Variants in CACNA1A observed in about 807,000 individuals in gnomAD.
CACNA1A encodes the protein calcium voltage-gated channel subunit alpha1 A.
CACNA1A carries 57 observed loss-of-function variants against 262.4 expected under a neutral mutation model. The observed-to-expected ratio is 0.22, with a 90% CI of 0.18 to 0.27. CACNA1A has a LOEUF of 0.27. Ranked by LOEUF, CACNA1A falls within the 10% of genes least tolerant of loss-of-function variation. The pLI is 1.00. For missense variants in CACNA1A, 2,526 were observed against 3,562.8 expected (o/e 0.71, Z 7.41); for synonymous variants, 1,431 against 1,419.3 (o/e 1.01, Z -0.18).
intron 5 of CACNA1A, chr19:13,365,038 CCTTCTTTCTCTG>C: frequency 3.9e-6 from 1 of 257,192 alleles, no homozygotes; most frequent in Non-Finnish European, 7.5e-6. Flanking sequence ...TTAAAAGATC[CCTTCTTTCTCTG>C]CTCACTTCCT....
intron 22 of CACNA1A, 41 bp downstream of exon 22, chr19:13,283,226 G>A (rs2057330129): frequency 3.1e-6 from 5 of 1,602,672 alleles, no homozygotes; most frequent in Non-Finnish European, 4.3e-6. Context: ...GCCTGAGGCA[G>A]AGCAGCCAGG....
chr19:13,362,679 T>G (rs1355068026), intron 5 of CACNA1A: 9 of 152,212 alleles, frequency 5.9e-5, no homozygotes, highest in African/African-American at 1.7e-4. Flanking sequence ...ATTTTCATAT[T>G]TAGGGGGGCG....
intron 11 of CACNA1A, among the ~76,000 whole-genome samples, chr19:13,314,427 C>T (rs868400238): frequency 1.8e-4 from 28 of 152,062 alleles, no homozygotes; most frequent in African/African-American, 2.9e-4. Flanking sequence ...TAAGTCATTA[C>T]GGTAGAGCTC....
chr19:13,263,667 C>T (rs778944723), intron 24 of CACNA1A, among the ~76,000 whole-genome samples: 3 of 152,004 alleles, frequency 2.0e-5, no homozygotes, highest in East Asian at 3.9e-4. Context: ...ACTACAGGTG[C>T]GTGCCACCAT....
intron 3 of CACNA1A, among the ~76,000 whole-genome samples, chr19:13,436,253 T>C (rs1390481993): frequency 1.3e-5 from 2 of 152,184 alleles, no homozygotes; most frequent in African/African-American, 4.8e-5. Flanking sequence ...CCTTGGCTGG[T>C]ACAGCTGCTG....
In CACNA1A at chr19:13,207,589, G is replaced by T; in HGVS notation, c.7245C>A (p.Tyr2415Ter). The change falls in exon 47 of 47, where the codon TAC becomes TAA. Residue 2415 changes from tyrosine (Y) to a stop codon, truncating the protein, a stop_gained. Coordinates refer to ENST00000360228, the MANE Select transcript of CACNA1A (RefSeq NM_001127222.2). LOFTEE classifies it high-confidence loss of function. The surrounding 1 kb of genome is among the most constrained non-coding windows in gnomAD (Gnocchi z 5.7). ...CGCTGCCCGGGCCATCGGCCTCGTC[G>T]TAGTCGGAGCCCCGGTAGTAGCCAT... ...RHHGYYRGSD[Y>*]DEADGPGSGG... 6.8e-7 allele frequency: 1 copy of T among 1,481,382 alleles called. No individual in the cohort carries two copies. 91.8% of individuals were successfully genotyped at this position (1,481,382 alleles called of 1,614,324 possible).
chr19:13,346,631 TATATATATATATATATATATATATATATA>T (rs2058770921), intron 6 of CACNA1A, among the ~76,000 whole-genome samples: 1 of 3,560 alleles, frequency 2.8e-4, no homozygotes. Context: ...TATATATATA[TATATATATATATATATATATATATATATA>T]TATATATTTT....
At chr19:13,235,343 C>G in intron 32 of CACNA1A, 69 bp from the exon 33 acceptor site, 1 of 1,421,636 alleles carries the variant, frequency 7.0e-7, no homozygotes, top group Non-Finnish European at 9.7e-7. Context: ...CCTCCCTTGT[C>G]CCAGTGCTCT....
At chr19:13,277,009 G>T in intron 23 of CACNA1A, 60 bp downstream of exon 23, 1 of 1,110,360 alleles carries the variant, frequency 9.0e-7, no homozygotes, top group Non-Finnish European at 1.4e-6. Context: ...ACTGTGCCCA[G>T]CCCTGCACTT....
intron 1 of CACNA1A, among the ~76,000 whole-genome samples, chr19:13,485,280 C>T: frequency 6.6e-6 from 1 of 152,124 alleles, no homozygotes; most frequent in East Asian, 1.9e-4. Flanking sequence ...AACTGTAAAA[C>T]TTTCAGAAAT....
At chr19:13,482,623 T>G (rs1165367870) in intron 1 of CACNA1A, among the ~76,000 whole-genome samples, 4 of 152,218 alleles carry the variant, frequency 2.6e-5, no homozygotes, top group Non-Finnish European at 5.9e-5. Flanking sequence ...CAGTTCCCCC[T>G]GCAGTCAGAT....
chr19:13,368,092 A>G (rs2059249671), intron 4 of CACNA1A, among the ~76,000 whole-genome samples: 1 of 152,082 alleles, frequency 6.6e-6, no homozygotes, highest in Non-Finnish European at 1.5e-5. Context: ...AGGCGGGTGG[A>G]TCACTTGAAC....
At chr19:13,336,633 GAGAGAGAA>G (rs1443268523) in intron 6 of CACNA1A, among the ~76,000 whole-genome samples, 5 of 147,532 alleles carry the variant, frequency 3.4e-5, no homozygotes, top group African/African-American at 1.3e-4. Flanking sequence ...GAGAGAGAGA[GAGAGAGAA>G]AAGAATGATA....
In CACNA1A at chr19:13,230,995, T is replaced by TG. The variant is rs1257254859; in HGVS notation, c.5400+714_5400+715insC. Among the ~76,000 whole-genome samples, 30 of 131,308 alleles carry TG rather than the reference T, an allele frequency of 2.3e-4. 1 individual carries two copies. The highest frequency in any genetic ancestry group is 9.0e-4 in the African/African-American group (30 of 33,472). The allele number at this position is 131,308 out of a possible 152,430, so 86.1% of individuals were successfully genotyped here. On this transcript the variant is annotated intron_variant, in intron 35 of 46. Transcript: ENST00000360228. ...ATTTCTTCCCTCGCAATGTTTTTTTTTTTTTTGTTTGTTTTTGTTTGTTTT... is the reference window on the plus strand; with the variant it reads ...ATTTCTTCCCTCGCAATGTTTTTTTTGTTTTTTGTTTGTTTTTGTTTGTTTT...
intron 10 of CACNA1A, among the ~76,000 whole-genome samples, chr19:13,323,487 G>A (rs1030181934): frequency 1.4e-4 from 21 of 151,816 alleles, no homozygotes; most frequent in Non-Finnish European, 2.4e-4. Flanking sequence ...ACAGGGTCTC[G>A]GTCTCCTTCT....
At chr19:13,490,638 G>A (rs536434445) in intron 1 of CACNA1A, among the ~76,000 whole-genome samples, 99 of 139,752 alleles carry the variant, frequency 7.1e-4, no homozygotes, top group African/African-American at 2.5e-3. Context: ...GAAAAGAAAA[G>A]AAGGAAGGAA....
At chr19:13,327,175 C>A (rs2058378192) in intron 10 of CACNA1A, among the ~76,000 whole-genome samples, 1 of 152,118 alleles carries the variant, frequency 6.6e-6, no homozygotes, top group Admixed American at 6.5e-5. Context: ...GCCACCACAC[C>A]CAGCCTGTAT....
At chr19:13,307,293 G>C (rs189137966) in intron 15 of CACNA1A, 3 of 153,054 alleles carry the variant, frequency 2.0e-5, no homozygotes, top group African/African-American at 7.2e-5. Context: ...GGAGTGCAGT[G>C]GCGCGATCTT....
chr19:13,279,766 C>T lies in CACNA1A; in HGVS notation c.3823-2638G>A, dbSNP rs1017721765. Among the ~76,000 whole-genome samples, 10 of 147,382 alleles carry T rather than the reference C, an allele frequency of 6.8e-5. No homozygotes were observed. In the East Asian group the frequency reaches 8.5e-4, roughly 12 times the overall value. ...TCCCAAAGTGCTGGGATTACAGGTG[C>T]GAGCCCGGCCCACTGTGCCCGGCCC... On this transcript the variant is annotated intron_variant, in intron 22 of 46. Transcript: ENST00000360228.
Sources: gnomAD v4.1 joint callset for allele counts (sites outside exome capture counted in the v4.1 genomes callset) on GRCh38, gnomAD v4.1.1 for gene constraint, Gnocchi (gnomAD v3.1) non-coding constraint, MANE v1.5 for transcripts, NCBI Gene and HGNC (gene_info 2026-07-23, HGNC 2026-07-21) for gene names.